Variants in MTMR12 observed in about 807,000 individuals in gnomAD.
The protein encoded by MTMR12 is myotubularin related protein 12.
A neutral mutation model predicts 96.7 loss-of-function variants in MTMR12; 33 were observed. The ratio of observed to expected loss-of-function variants is 0.34; its 90% CI spans 0.26 to 0.46. MTMR12 has a LOEUF of 0.46. Ranked by LOEUF, MTMR12 falls within the 20% of genes least tolerant of loss-of-function variation. The probability of loss-of-function intolerance (pLI) is 1.00; values close to 1 mark genes in which losing one functional copy is unlikely to be tolerated. For missense variants in MTMR12, 721 were observed against 896.1 expected, an observed-to-expected ratio of 0.80 and a Z score of 2.49; for synonymous variants, 298 against 327.2, an observed-to-expected ratio of 0.91 and a Z score of 0.96.
At position 32,230,442 on chromosome 5, in the gene MTMR12, C is replaced by CAAG. The variant is rs1747952404; in HGVS notation, c.1675-98_1675-96dup. On this transcript the variant is annotated intron_variant, in intron 15 of 15. Coordinates refer to ENST00000382142, the MANE Select transcript of MTMR12 (RefSeq NM_001040446.3). ...CAAAAAGAGCATAACCCTGCTTTAA[C>CAAG]AAGTTCCAAGAGACATCAGTGTTGC... is the stretch of plus-strand genomic sequence containing the variant. 5.0e-6 allele frequency: 6 copies of CAAG among 1,198,356 alleles called. No homozygotes were observed. In the South Asian group the frequency reaches 8.9e-5, roughly 18 times the overall value. 74.2% of individuals were successfully genotyped at this position (1,198,356 alleles called of 1,614,324 possible).
At chr5:32,299,788 C>T (rs572754777) in intron 1 of MTMR12, among the ~76,000 whole-genome samples, 2 of 152,342 alleles carry the variant, frequency 1.3e-5, no homozygotes, top group South Asian at 2.1e-4. Flanking sequence ...CACCATCACA[C>T]ATGTGTGCAC....
chr5:32,293,983 C>T (rs1750831661), intron 1 of MTMR12, among the ~76,000 whole-genome samples: 1 of 152,228 alleles, frequency 6.6e-6, no homozygotes, highest in South Asian at 2.1e-4. Flanking sequence ...CCTCTCACAG[C>T]CTGTGCTCTG....
At chr5:32,252,139 C>A (rs1402986667) in intron 8 of MTMR12, among the ~76,000 whole-genome samples, 1 of 152,162 alleles carries the variant, frequency 6.6e-6, no homozygotes, top group Non-Finnish European at 1.5e-5. Flanking sequence ...GGTTGAAGAA[C>A]AGCGGCCAAA....
At chr5:32,232,376 C>T (rs1748031896) in intron 15 of MTMR12, among the ~76,000 whole-genome samples, 2 of 152,252 alleles carry the variant, frequency 1.3e-5, no homozygotes, top group Admixed American at 6.5e-5. Flanking sequence ...ATTCTCCACC[C>T]CTTCAGCTCA....
chr5:32,305,937 C>A (rs1751341802), intron 1 of MTMR12, among the ~76,000 whole-genome samples: 1 of 151,882 alleles, frequency 6.6e-6, no homozygotes, highest in Admixed American at 6.6e-5. Flanking sequence ...ACCGCAAGTG[C>A]TGAGTAAATA....
intron 1 of MTMR12, among the ~76,000 whole-genome samples, chr5:32,288,075 C>T (rs1478995275): frequency 2.0e-5 from 3 of 152,146 alleles, no homozygotes; most frequent in Non-Finnish European, 4.4e-5. Context: ...AAAACAGATA[C>T]AAGCTCTTAT....
rs866820623 is a variant in MTMR12 at position 32,238,934 on chromosome 5, C to G, written c.1344+67G>C. 13 of 1,417,308 alleles carry G rather than the reference C, an allele frequency of 9.2e-6. No homozygotes were observed. The Middle Eastern group carries it at 2.1e-3, about 225-fold the overall frequency. 87.8% of individuals were successfully genotyped at this position (1,417,308 alleles called of 1,614,324 possible). On this transcript the variant is annotated intron_variant, in intron 13 of 15. Coordinates refer to ENST00000382142, the MANE Select transcript of MTMR12 (RefSeq NM_001040446.3). ...GCAGCAATCCTACTACATCTGATGA[C>G]AGGTATTAAATAAGAGATTCAGTAG...
intron 14 of MTMR12, among the ~76,000 whole-genome samples, chr5:32,234,176 C>T (rs1421077494): frequency 6.6e-6 from 1 of 152,210 alleles, no homozygotes; most frequent in Non-Finnish European, 1.5e-5. Context: ...CTGGGTGCTT[C>T]CACAGCCTCG....
chr5:32,275,449 C>T (rs771853318), intron 2 of MTMR12, among the ~76,000 whole-genome samples: 6 of 152,196 alleles, frequency 3.9e-5, no homozygotes, highest in Non-Finnish European at 7.3e-5. Flanking sequence ...TCCCCAAGAC[C>T]AGGCCAGCCC....
chr5:32,231,202 C>G (rs1747981414), intron 15 of MTMR12, among the ~76,000 whole-genome samples: 1 of 151,934 alleles, frequency 6.6e-6, no homozygotes, highest in Non-Finnish European at 1.5e-5. Flanking sequence ...CCAACCTCAA[C>G]CTGGCCAAAA....
intron 1 of MTMR12, among the ~76,000 whole-genome samples, chr5:32,299,887 A>G (rs1402831744): frequency 6.6e-6 from 1 of 152,030 alleles, no homozygotes; most frequent in Non-Finnish European, 1.5e-5. Context: ...TTGCTACATT[A>G]TCCCCCTCCT....
intron 2 of MTMR12, among the ~76,000 whole-genome samples, chr5:32,274,376 A>G (rs181889604): frequency 2.4e-4 from 36 of 152,254 alleles, no homozygotes; most frequent in African/African-American, 8.7e-4. Context: ...CTATCTTCTC[A>G]CTGGGAATAA....
intron 1 of MTMR12, among the ~76,000 whole-genome samples, chr5:32,308,356 C>T (rs551388075): frequency 6.6e-6 from 1 of 151,950 alleles, no homozygotes; most frequent in African/African-American, 2.4e-5. Context: ...GCATGACATA[C>T]ACCAAGGCAG....
At chr5:32,238,404 G>C (rs966973666) in intron 13 of MTMR12, among the ~76,000 whole-genome samples, 1 of 152,008 alleles carries the variant, frequency 6.6e-6, no homozygotes, top group Non-Finnish European at 1.5e-5. Flanking sequence ...GTAGAGATGA[G>C]GTCTGTCTAT....
intron 1 of MTMR12, among the ~76,000 whole-genome samples, chr5:32,283,853 G>C (rs183973427): frequency 6.6e-6 from 1 of 152,304 alleles, no homozygotes; most frequent in African/African-American, 2.4e-5. Flanking sequence ...TACTGAAAGT[G>C]TTACCTCTTA....
At position 32,233,149 on chromosome 5, in the gene MTMR12, T is replaced by G; in HGVS notation, c.1674+624A>C. 3.3e-6 allele frequency: 1 copy of G among 303,600 alleles called. No individual in the cohort carries two copies. The highest frequency in any genetic ancestry group is 4.8e-6 in the Non-Finnish European group (1 of 206,732). The allele number at this position is 303,600 out of a possible 1,614,324, so 18.8% of individuals were successfully genotyped here. A position where few individuals can be genotyped will look rare whatever the true frequency, so the allele number is the denominator to read the frequency against. The stretch of plus-strand genomic sequence containing the variant: ...GCCACCCCTCCGGCCAAATCTGGCC[T>G]GGCGCCTGTTCTCGTAAACACTGGA... On this transcript the variant is annotated intron_variant, in intron 15 of 15. Transcript: ENST00000382142. This position sits in a 1 kb window ranked among gnomAD's most constrained non-coding sequence, Gnocchi z 5.0.
chr5:32,278,532 G>C (rs1465235986), intron 1 of MTMR12, among the ~76,000 whole-genome samples: 2 of 152,146 alleles, frequency 1.3e-5, no homozygotes, highest in Admixed American at 1.3e-4. Flanking sequence ...TCATTTTTGA[G>C]CATGGTATAA....
At chr5:32,240,451 G>C (rs1180504693) in intron 12 of MTMR12, among the ~76,000 whole-genome samples, 1 of 151,302 alleles carries the variant, frequency 6.6e-6, no homozygotes, top group African/African-American at 2.4e-5. Flanking sequence ...CTCATATTGT[G>C]ATAACTCTTT....
intron 1 of MTMR12, among the ~76,000 whole-genome samples, chr5:32,310,927 G>A (rs964012251): frequency 4.0e-5 from 6 of 148,330 alleles, no homozygotes; most frequent in South Asian, 2.1e-4. Flanking sequence ...AAGCTGTAGT[G>A]CAGTGGCGCG....
Sources: allele counts gnomAD v4.1 joint callset (sites outside exome capture counted in the v4.1 genomes callset), GRCh38; gene constraint gnomAD v4.1.1; non-coding constraint Gnocchi (gnomAD v3.1); transcripts MANE v1.5; gene names NCBI Gene and HGNC (gene_info 2026-07-23, HGNC 2026-07-21).